The following SYNPO2 variants were observed in gnomAD, a reference collection of about 807,000 sequenced individuals.
The protein encoded by SYNPO2 is synaptopodin-2.
In SYNPO2, 56 loss-of-function variants were observed where a neutral mutation model predicts 85.0. The observed-to-expected ratio is 0.66, with a 90% CI of 0.53 to 0.82. The LOEUF (loss-of-function observed/expected upper bound fraction) is 0.82. SYNPO2 is among the 40% of genes least tolerant of loss of function. The pLI, the probability that SYNPO2 is intolerant of heterozygous loss-of-function variation, is 0.00. For missense variants in SYNPO2, 1,575 were observed against 1,534.2 expected (o/e 1.03, Z -0.44); for synonymous variants, 602 against 591.1 (o/e 1.02, Z -0.27).
intron 1 of SYNPO2, among the ~76,000 whole-genome samples, chr4:118,897,981 A>G (rs1168490782): frequency 6.6e-6 from 1 of 152,158 alleles, no homozygotes; most frequent in East Asian, 1.9e-4. Flanking sequence ...TGAAACTTTT[A>G]TTTCCAGAAC....
chr4:119,055,727 T>C (rs956839240), intron 4 of SYNPO2, among the ~76,000 whole-genome samples: 2 of 152,192 alleles, frequency 1.3e-5, no homozygotes, highest in Non-Finnish European at 2.9e-5. Context: ...AGGAGAATTA[T>C]GAGTGGTTCT....
intron 1 of SYNPO2, among the ~76,000 whole-genome samples, chr4:118,879,015 A>C (rs186574119): frequency 1.2e-3 from 186 of 152,266 alleles, no homozygotes; most frequent in Middle Eastern, 6.8e-3. Context: ...GAGACCATGA[A>C]CCCACAGGGA....
intron 4 of SYNPO2, chr4:119,036,494 G>A (rs895933716): frequency 1.1e-5 from 11 of 985,252 alleles, no homozygotes; most frequent in Non-Finnish European, 1.3e-5. Flanking sequence ...TTCTTCTCTA[G>A]ATGTCCTACC....
At chr4:118,880,308 G>A (rs556440530) in intron 1 of SYNPO2, among the ~76,000 whole-genome samples, 1 of 152,196 alleles carries the variant, frequency 6.6e-6, no homozygotes, top group Non-Finnish European at 1.5e-5. Flanking sequence ...TGTTATGGGG[G>A]GAATTATGTC....
chr4:118,939,977 CTTTT>C lies in SYNPO2; in HGVS notation c.105+50850_105+50853del, dbSNP rs111485944. 5.8e-5 allele frequency among the ~76,000 whole-genome samples: 7 copies of C among 119,844 alleles called. 1 individual carries two copies. Among genetic ancestry groups the C allele is most frequent in the South Asian group, 6.0e-4 (2 of 3,344 alleles). The allele number at this position is 119,844 out of a possible 152,430, so 78.6% of individuals were successfully genotyped here. A position where few individuals can be genotyped will look rare whatever the true frequency, so the allele number is the denominator to read the frequency against. ...TTAGCCTTTTAGCCCTTTCTCTCTT[CTTTT>C]TTTTTTTTTTTTTGTTTTTTTTTGA... On this transcript the variant is annotated intron_variant, in intron 1 of 4. Coordinates refer to ENST00000307142, the MANE Select transcript of SYNPO2 (RefSeq NM_133477.3).
At chr4:118,937,715 A>G (rs1486756620) in intron 1 of SYNPO2, among the ~76,000 whole-genome samples, 1 of 152,222 alleles carries the variant, frequency 6.6e-6, no homozygotes, top group East Asian at 1.9e-4. Context: ...AGATTATTGC[A>G]AGAATCAATC....
chr4:118,913,496 T>C (rs1733206871), intron 1 of SYNPO2, among the ~76,000 whole-genome samples: 1 of 152,184 alleles, frequency 6.6e-6, no homozygotes. Context: ...CAGTGAATTA[T>C]GTATAAAACA....
intron 1 of SYNPO2, among the ~76,000 whole-genome samples, chr4:118,954,409 A>C (rs1277418770): frequency 6.6e-6 from 1 of 152,154 alleles, no homozygotes; most frequent in Non-Finnish European, 1.5e-5. Context: ...ATGGTAATAC[A>C]AAGTGCCCTT....
At chr4:118,854,118 A>G (rs1333028915) in intron 1 of SYNPO2, among the ~76,000 whole-genome samples, 2 of 152,218 alleles carry the variant, frequency 1.3e-5, no homozygotes. Context: ...CACTTAGAAA[A>G]ATGTTGAAAT....
At chr4:119,037,750 A>G (rs1578669335) in intron 4 of SYNPO2, 5 of 625,472 alleles carry the variant, frequency 8.0e-6, no homozygotes, top group Non-Finnish European at 1.0e-5. Flanking sequence ...TTGGGCCCTG[A>G]TTTGTGCTGA....
intron 1 of SYNPO2, among the ~76,000 whole-genome samples, chr4:118,911,850 A>G (rs1051386150): frequency 2.0e-5 from 3 of 152,226 alleles, no homozygotes; most frequent in Admixed American, 6.5e-5. Flanking sequence ...AGAGCTAAAT[A>G]CAATGAACAC....
At position 119,060,965 on chromosome 4, in the gene SYNPO2, T is replaced by C. The variant is rs1166800162; in HGVS notation, c.*3031T>C. The stretch of plus-strand genomic sequence containing the variant: ...GGGCCAACCTATTAGGGCTCAAGTA[T>C]GTATATGCAAAAAAAAAAAGTTATA... On this transcript the variant is annotated 3_prime_UTR_variant, in exon 5 of 5. Coordinates refer to ENST00000307142, the MANE Select transcript of SYNPO2 (RefSeq NM_133477.3). 2.0e-5 allele frequency: 3 copies of C among 146,974 alleles called. No individual in the cohort carries two copies. The highest frequency in any genetic ancestry group is 4.5e-5 in the Non-Finnish European group (3 of 67,096). The allele number at this position is 146,974 out of a possible 1,614,324, so 9.1% of individuals were successfully genotyped here.
In SYNPO2 at chr4:118,876,724, T is replaced by C. The variant is rs867174620; in HGVS notation, c.12+25784T>C. On this transcript the variant is annotated intron_variant, in intron 1 of 4. Coordinates refer to the SYNPO2 transcript ENST00000610556. ...TTCTTTCTTTCTTTCTTTCTTTCTTTCTTTCTTTCTTTCTGCCTTTCTCTG... is the reference window on the plus strand; with the variant it reads ...TTCTTTCTTTCTTTCTTTCTTTCTTCCTTTCTTTCTTTCTGCCTTTCTCTG... 7.3e-4 allele frequency among the ~76,000 whole-genome samples: 91 copies of C among 124,078 alleles called. 1 individual carries two copies. The highest frequency in any genetic ancestry group is 2.6e-3 in the African/African-American group (85 of 32,880). 81.4% of individuals were successfully genotyped at this position (124,078 alleles called of 152,430 possible).
chr4:118,879,233 T>C (rs1732011348), intron 1 of SYNPO2, among the ~76,000 whole-genome samples: 1 of 152,220 alleles, frequency 6.6e-6, no homozygotes, highest in South Asian at 2.1e-4. Flanking sequence ...GCTTCATTGT[T>C]GAAGTCAGGG....
intron 1 of SYNPO2, among the ~76,000 whole-genome samples, chr4:118,863,243 C>T (rs565979701): frequency 6.6e-6 from 1 of 152,268 alleles, no homozygotes; most frequent in Admixed American, 6.5e-5. Flanking sequence ...TGTATTTGTC[C>T]TTTAAATGTT....
At chr4:118,879,044 G>A (rs1425453473) in intron 1 of SYNPO2, among the ~76,000 whole-genome samples, 1 of 152,010 alleles carries the variant, frequency 6.6e-6, no homozygotes, top group Non-Finnish European at 1.5e-5. Context: ...CAACTCCGGA[G>A]GCACCACCTT....
chr4:118,980,063 A>G (rs1043410382), intron 1 of SYNPO2, among the ~76,000 whole-genome samples: 7 of 152,242 alleles, frequency 4.6e-5, no homozygotes, highest in Admixed American at 2.0e-4. Context: ...TGCATAGTAT[A>G]TGCGGTTTTT....
At chr4:118,980,355 T>C (rs1352896477) in intron 1 of SYNPO2, among the ~76,000 whole-genome samples, 1 of 152,128 alleles carries the variant, frequency 6.6e-6, no homozygotes, top group East Asian at 1.9e-4. Flanking sequence ...ACCAGAACCA[T>C]CCCTTTTCTA....
chr4:119,001,040 C>T (rs549111521), intron 1 of SYNPO2, among the ~76,000 whole-genome samples: 2 of 152,296 alleles, frequency 1.3e-5, no homozygotes, highest in South Asian at 2.1e-4. Context: ...TCTTTCTACC[C>T]TCACACTTTC....
Sources: allele counts gnomAD v4.1 joint callset (sites outside exome capture counted in the v4.1 genomes callset), GRCh38; gene constraint gnomAD v4.1.1; transcripts MANE v1.5; gene names NCBI Gene and HGNC (gene_info 2026-07-23, HGNC 2026-07-21).